Variants in OSBPL3 observed in about 807,000 individuals in gnomAD.
OSBPL3 encodes oxysterol-binding protein-related protein 3.
OSBPL3 carries 65 observed loss-of-function variants against 120.1 expected under a neutral mutation model. The ratio of observed to expected loss-of-function variants is 0.54; its 90% CI spans 0.44 to 0.67. The LOEUF is 0.67. Among genes scored for constraint, OSBPL3 ranks in the 30% least tolerant of loss-of-function variants. The pLI is 0.00. For synonymous variants in OSBPL3, 416 were observed against 402.6 expected (o/e 1.03, Z -0.40); for missense variants, 1,004 against 1,082.1 (o/e 0.93, Z 1.01).
At chr7:24,908,587 C>G (rs113519986) in intron 1 of OSBPL3, among the ~76,000 whole-genome samples, 6 of 152,146 alleles carry the variant, frequency 3.9e-5, no homozygotes, top group Non-Finnish European at 7.3e-5. Context: ...ATTCTAGTCA[C>G]GAGAACCACG....
Position 24,980,066 on chromosome 7 carries a change from G to T in OSBPL3, c.-330C>A, listed in dbSNP as rs1026723581. ...ATGGCCACTTGCAGACAGACTGCGG[G>T]GCCGGAGCCGCGCTGCGCACCGGCC... On this transcript the variant is annotated 5_prime_UTR_variant, in exon 1 of 23. Coordinates refer to ENST00000313367, the MANE Select transcript of OSBPL3 (RefSeq NM_015550.4). The T allele has an allele frequency of 9.1e-6, 9 of 984,912 alleles. No individual in the cohort carries two copies. The African/African-American group carries it at 1.6e-4, about 17-fold the overall frequency. The allele number at this position is 984,912 out of a possible 1,614,324, so 61.0% of individuals were successfully genotyped here.
intron 1 of OSBPL3, among the ~76,000 whole-genome samples, chr7:24,956,324 C>T (rs955336018): frequency 6.6e-6 from 1 of 152,244 alleles, no homozygotes; most frequent in Non-Finnish European, 1.5e-5. Context: ...TCCACATGCG[C>T]AAAGGATGCC....
chr7:24,808,844 T>C lies in OSBPL3; in HGVS notation c.2317+963A>G, dbSNP rs1244531494. Among the ~76,000 whole-genome samples, 1 of 152,180 alleles carries C rather than the reference T, an allele frequency of 6.6e-6. No individual in the cohort carries two copies. Among genetic ancestry groups the C allele is most frequent in the Non-Finnish European group, 1.5e-5 (1 of 68,026 alleles). Reference sequence around the variant, plus strand: ...ATATAAAGTCCCATTTGCTGCGGGATCTTAGGAAATGTTCCTGAGAAAAGA... The same window carrying C: ...ATATAAAGTCCCATTTGCTGCGGGACCTTAGGAAATGTTCCTGAGAAAAGA... On this transcript the variant is annotated intron_variant, in intron 20 of 22. Transcript: ENST00000313367. This position sits in a 1 kb window ranked among gnomAD's most constrained non-coding sequence, Gnocchi z 4.6.
Position 24,856,195 on chromosome 7 carries a change from G to A in OSBPL3, c.1028-3561C>T, listed in dbSNP as rs963723799. Among the ~76,000 whole-genome samples, 9 of 152,264 alleles carry A rather than the reference G, an allele frequency of 5.9e-5. No individual in the cohort carries two copies. The East Asian group carries it at 1.7e-3, about 29-fold the overall frequency. ...CTCAGATACCCTTCCTGGACTATGA[G>A]AGGCAGGCACAGGTTGAGTTTTTGA... On this transcript the variant is annotated intron_variant, in intron 10 of 22. Transcript: ENST00000313367.
chr7:24,941,023 G>T (rs1292626013), intron 1 of OSBPL3, among the ~76,000 whole-genome samples: 1 of 152,096 alleles, frequency 6.6e-6, no homozygotes. Flanking sequence ...GTTTCACCAT[G>T]TTAGCCAGGA....
rs77387599 is a variant in OSBPL3, at chr7:24,838,920, G to T, written c.1495+1770C>A. 6.9e-3 allele frequency among the ~76,000 whole-genome samples: 1,052 copies of T among 152,204 alleles called. 7 individuals carry two copies. The highest frequency in any genetic ancestry group is 9.9e-3 in the Non-Finnish European group (672 of 68,012). On this transcript the variant is annotated intron_variant, in intron 14 of 22. Coordinates refer to ENST00000313367, the MANE Select transcript of OSBPL3 (RefSeq NM_015550.4). Reference sequence around the variant, plus strand: ...TGGTTCTTAGACCTTTCCACTAAGGGGTTCATCTCCCAAGAAACATTTCAA... The same window carrying T: ...TGGTTCTTAGACCTTTCCACTAAGGTGTTCATCTCCCAAGAAACATTTCAA...
rs1466886310 is a variant in OSBPL3, at chr7:24,900,279, C to T, written c.-149-7658G>A. On this transcript the variant is annotated intron_variant, in intron 1 of 22. Coordinates refer to ENST00000313367, the MANE Select transcript of OSBPL3 (RefSeq NM_015550.4). This position sits in a 1 kb window ranked among gnomAD's most constrained non-coding sequence, Gnocchi z 4.5. ...ATTACAACCATGGCATAGAATCTTT[C>T]GGCCTTTGGTATACAGCAGGTCCTC... Among the ~76,000 whole-genome samples the T allele has an allele frequency of 4.6e-5, 7 of 152,164 alleles. No individual in the cohort carries two copies. Among genetic ancestry groups the T allele is most frequent in the Non-Finnish European group, 8.8e-5 (6 of 68,032 alleles).
intron 1 of OSBPL3, among the ~76,000 whole-genome samples, chr7:24,970,302 T>A (rs1816864258): frequency 6.6e-6 from 1 of 152,100 alleles, no homozygotes; most frequent in Non-Finnish European, 1.5e-5. Flanking sequence ...AGACTTGGTT[T>A]CACCACGCGG....
chr7:24,813,023 T>A lies in OSBPL3; in HGVS notation c.2172+2036A>T, dbSNP rs1407677387. ...CCTCTCCAGCAGCTGGGACTACAGG[T>A]GCATGCCACCGTGTCTGGCTAATTT... is the stretch of plus-strand genomic sequence containing the variant. On this transcript the variant is annotated intron_variant, in intron 19 of 22. Transcript: ENST00000313367. The surrounding 1 kb of genome is among the most constrained non-coding windows in gnomAD (Gnocchi z 4.5). Among the ~76,000 whole-genome samples the A allele has an allele frequency of 6.6e-6, 1 of 152,136 alleles. No homozygotes were observed. Among genetic ancestry groups the A allele is most frequent in the Non-Finnish European group, 1.5e-5 (1 of 68,028 alleles).
At chr7:24,949,166 C>A (rs997842400) in intron 1 of OSBPL3, among the ~76,000 whole-genome samples, 3 of 152,164 alleles carry the variant, frequency 2.0e-5, no homozygotes, top group African/African-American at 7.2e-5. Flanking sequence ...GTTAACAGAA[C>A]CACATTTTAC....
Position 24,865,249 on chromosome 7 carries a change from T to G in OSBPL3, c.673+93A>C, listed in dbSNP as rs2040689. ...ATATGGAAGGGAATGTGGACAAGCATAGGGGAAGGACACAAATGAATCTGA... is the reference window on the plus strand; with the variant it reads ...ATATGGAAGGGAATGTGGACAAGCAGAGGGGAAGGACACAAATGAATCTGA... On this transcript the variant is annotated intron_variant, in intron 7 of 22. Coordinates refer to ENST00000313367, the MANE Select transcript of OSBPL3 (RefSeq NM_015550.4). 7.3e-4 allele frequency: 971 copies of G among 1,333,796 alleles called. 15 individuals are homozygous for G. The South Asian group carries it at 0.012, about 17-fold the overall frequency. 82.6% of individuals were successfully genotyped at this position (1,333,796 alleles called of 1,614,324 possible).
chr7:24,887,850 T>C (rs1446795318), intron 2 of OSBPL3, among the ~76,000 whole-genome samples: 3 of 152,126 alleles, frequency 2.0e-5, no homozygotes, highest in African/African-American at 4.8e-5. Context: ...GATGCTGGCA[T>C]AGAGGGCGAG....
At chr7:24,882,628 A>G (rs779647120) in intron 2 of OSBPL3, among the ~76,000 whole-genome samples, 1 of 152,210 alleles carries the variant, frequency 6.6e-6, no homozygotes, top group Admixed American at 6.5e-5. Flanking sequence ...ATCACATGGT[A>G]GTTCTTTAGT....
chr7:24,839,709 C>T (rs1156380796), intron 14 of OSBPL3, among the ~76,000 whole-genome samples: 1 of 151,994 alleles, frequency 6.6e-6, no homozygotes, highest in Non-Finnish European at 1.5e-5. Context: ...GATATCTGGC[C>T]CAGGCACGGT....
intron 1 of OSBPL3, among the ~76,000 whole-genome samples, chr7:24,976,085 T>C (rs538303740): frequency 2.4e-4 from 36 of 152,312 alleles, no homozygotes; most frequent in African/African-American, 8.2e-4. Flanking sequence ...AACTTGGGGA[T>C]TGAGTCTGAG....
chr7:24,871,959 C>T lies in OSBPL3; in HGVS notation c.207G>A (p.Trp69Ter). ...AGGCCAAGACCAACCTTACCTTATG[C>T]CAGCCTTTTAAGGGCCACTTCCTCT... is the stretch of plus-strand genomic sequence containing the variant. ...LKKRKWPLKG[W>*]HKRFFYLDKG... Residue 69 changes from tryptophan to a stop codon, truncating the protein, a stop_gained, in exon 3 of 23, where the codon TGG (tryptophan) becomes TGA (stop). Transcript: ENST00000313367. LOFTEE classifies it high-confidence loss of function. This position sits in a 1 kb window ranked among gnomAD's most constrained non-coding sequence, Gnocchi z 4.8. 6.2e-7 allele frequency: 1 copy of T among 1,611,480 alleles called. No individual in the cohort carries two copies. Among genetic ancestry groups the T allele is most frequent in the Non-Finnish European group, 8.5e-7 (1 of 1,177,888 alleles).
At chr7:24,945,957 G>C (rs1243104768) in intron 1 of OSBPL3, among the ~76,000 whole-genome samples, 1 of 152,198 alleles carries the variant, frequency 6.6e-6, no homozygotes, top group Non-Finnish European at 1.5e-5. Flanking sequence ...TAATTTAAAT[G>C]GTGAAGAATT....
At chr7:24,876,198 G>T (rs1331947989) in intron 2 of OSBPL3, among the ~76,000 whole-genome samples, 1 of 152,072 alleles carries the variant, frequency 6.6e-6, no homozygotes, top group African/African-American at 2.4e-5. Flanking sequence ...ATGACAAAAT[G>T]GTTGTCTTTA....
chr7:24,840,220 T>C (rs1381636748), intron 14 of OSBPL3, among the ~76,000 whole-genome samples: 1 of 151,918 alleles, frequency 6.6e-6, no homozygotes, highest in African/African-American at 2.4e-5. Context: ...TTGTAGCGGG[T>C]CCTCTACACA....
Sources: allele counts gnomAD v4.1 joint callset (sites outside exome capture counted in the v4.1 genomes callset), GRCh38; gene constraint gnomAD v4.1.1; non-coding constraint Gnocchi (gnomAD v3.1); transcripts MANE v1.5; gene names NCBI Gene and HGNC (gene_info 2026-07-23, HGNC 2026-07-21).